Variants in CFAP96 observed in about 807,000 individuals in gnomAD.
CFAP96 encodes cilia and flagella associated protein 96.
At chr4:185,437,178 G>C in the CFAP96 span, among the ~76,000 whole-genome samples, 1 of 152,218 alleles carries the variant, frequency 6.6e-6, no homozygotes, top group African/African-American at 2.4e-5. Flanking sequence ...AGTAGACAGA[G>C]TGAAAGGATA....
At chr4:185,447,674 T>A in the CFAP96 span, among the ~76,000 whole-genome samples, 10 of 152,308 alleles carry the variant, frequency 6.6e-5, no homozygotes, top group East Asian at 1.9e-3. Flanking sequence ...TTAGGAGTAT[T>A]AGAACCAGTG....
At chr4:185,443,921 C>CTTTTTTTTTTTTTTTTTTTTTTT in the CFAP96 span, among the ~76,000 whole-genome samples, 1 of 82,856 alleles carries the variant, frequency 1.2e-5, no homozygotes, top group South Asian at 3.7e-4. Context: ...CTATATCTTT[C>CTTTTTTTTTTTTTTTTTTTTTTT]TTTTTTTTTT....
the CFAP96 span, among the ~76,000 whole-genome samples, chr4:185,443,915 A>ATCTTTCTT: frequency 9.0e-5 from 11 of 122,600 alleles, no homozygotes; most frequent in African/African-American, 3.6e-4. Context: ...TTATAACTAT[A>ATCTTTCTT]TCTTTCTTTT....
At chr4:185,418,187 GTATT>G in the CFAP96 span, among the ~76,000 whole-genome samples, 1 of 152,160 alleles carries the variant, frequency 6.6e-6, no homozygotes, top group Non-Finnish European at 1.5e-5. Context: ...ATTTATAAAT[GTATT>G]TAGGCTGTTT....
chr4:185,439,299 A>G, the CFAP96 span, among the ~76,000 whole-genome samples: 1 of 152,170 alleles, frequency 6.6e-6, no homozygotes, highest in African/African-American at 2.4e-5. Context: ...CATTGTTGTG[A>G]TATGGAAGGG....
the CFAP96 span, chr4:185,425,873 G>T: frequency 6.9e-6 from 11 of 1,603,006 alleles, no homozygotes; most frequent in Non-Finnish European, 7.7e-6. Flanking sequence ...CACCATGTCC[G>T]CGACGTGGCG....
At chr4:185,413,581 A>G in the CFAP96 span, 3 of 752,632 alleles carry the variant, frequency 4.0e-6, no homozygotes, top group African/African-American at 1.8e-5. Context: ...TGCTATCTTA[A>G]GCAATGTCTG....
the CFAP96 span, among the ~76,000 whole-genome samples, chr4:185,432,381 TA>T: frequency 6.6e-6 from 1 of 152,230 alleles, no homozygotes; most frequent in Non-Finnish European, 1.5e-5. Context: ...CTTGATTAAA[TA>T]TATTCTCATT....
At chr4:185,436,897 C>T in the CFAP96 span, among the ~76,000 whole-genome samples, 1 of 151,992 alleles carries the variant, frequency 6.6e-6, no homozygotes, top group Non-Finnish European at 1.5e-5. Flanking sequence ...TGAATTTTAT[C>T]TCTTGCTATG....
chr4:185,427,822 A>G, the CFAP96 span, among the ~76,000 whole-genome samples: 1 of 149,010 alleles, frequency 6.7e-6, no homozygotes, highest in African/African-American at 2.5e-5. Context: ...GCGGTGGCCC[A>G]CTCCTGTAAT....
the CFAP96 span, chr4:185,440,437 G>A: frequency 1.4e-6 from 1 of 729,396 alleles, no homozygotes; most frequent in South Asian, 2.0e-5. Context: ...CAGCAGGATA[G>A]ATTTAAGAAT....
the CFAP96 span, chr4:185,445,129 AG>A: frequency 3.2e-6 from 5 of 1,551,058 alleles, no homozygotes; most frequent in Non-Finnish European, 4.4e-6. Flanking sequence ...GAATGTCAGA[AG>A]GTGGGAATAT....
the CFAP96 span, among the ~76,000 whole-genome samples, chr4:185,443,342 A>ATATATATATATATTTTTTTT: frequency 1.5e-4 from 4 of 26,724 alleles, no homozygotes; most frequent in South Asian, 2.1e-3. Flanking sequence ...ATATATATAT[A>ATATATATATATATTTTTTTT]TTTTTTTTTT....
the CFAP96 span, chr4:185,436,073 A>AAT: frequency 3.9e-6 from 6 of 1,550,000 alleles, no homozygotes; most frequent in East Asian, 1.5e-4. Context: ...ACTATGGAAC[A>AAT]ATAGGTGGTC....
the CFAP96 span, chr4:185,413,944 T>C: frequency 1.5e-6 from 2 of 1,367,428 alleles, no homozygotes; most frequent in Non-Finnish European, 2.0e-6. Flanking sequence ...TAAATAAAGA[T>C]GTTATTAAAC....
At chr4:185,429,468 G>A in the CFAP96 span, 9 of 1,537,724 alleles carry the variant, frequency 5.9e-6, no homozygotes, top group South Asian at 1.0e-4. Context: ...TTAGTGAGAT[G>A]GAATATATTA....
the CFAP96 span, chr4:185,415,665 A>C: frequency 1.6e-5 from 24 of 1,526,384 alleles, no homozygotes; most frequent in Non-Finnish European, 1.9e-5. Flanking sequence ...GGTTTGGGGA[A>C]GGGCCCTCAT....
chr4:185,415,887 T>C, the CFAP96 span: 3 of 1,585,434 alleles, frequency 1.9e-6, no homozygotes, highest in Non-Finnish European at 1.7e-6. Context: ...TAAACAGTAA[T>C]AGTCAACTTG....
chr4:185,420,516 A>C, the CFAP96 span, among the ~76,000 whole-genome samples: 15 of 152,256 alleles, frequency 9.9e-5, no homozygotes, highest in African/African-American at 3.4e-4. Flanking sequence ...TAAATAAATA[A>C]ACAACGACCA....
Sources: allele counts gnomAD v4.1 joint callset (sites outside exome capture counted in the v4.1 genomes callset), GRCh38; gene constraint gnomAD v4.1.1; transcripts MANE v1.5; gene names NCBI Gene and HGNC (gene_info 2026-07-23, HGNC 2026-07-21).